The following LOC128462377 variants were observed in gnomAD, a reference collection of about 807,000 sequenced individuals.
At chr16:89,400,750 G>A in the LOC128462377 span, among the ~76,000 whole-genome samples, 1 of 72,856 alleles carries the variant, frequency 1.4e-5, no homozygotes, top group African/African-American at 7.4e-5. Context: ...CCTGCGCTGG[G>A]GGATGGTCAT....
chr16:89,364,301 G>A, the LOC128462377 span, among the ~76,000 whole-genome samples: 1 of 152,162 alleles, frequency 6.6e-6, no homozygotes, highest in Non-Finnish European at 1.5e-5. Context: ...TCCCAGGTAT[G>A]ACCAGCAGAA....
chr16:89,403,237 C>A, the LOC128462377 span, among the ~76,000 whole-genome samples: 1 of 152,206 alleles, frequency 6.6e-6, no homozygotes, highest in Non-Finnish European at 1.5e-5. Flanking sequence ...CGGGCACTGA[C>A]AGGAAGTATC....
chr16:89,389,068 G>A, the LOC128462377 span, among the ~76,000 whole-genome samples: 1 of 152,210 alleles, frequency 6.6e-6, no homozygotes, highest in African/African-American at 2.4e-5. Flanking sequence ...AAATAGGACA[G>A]CAATGGATTA....
At chr16:89,334,547 A>G in the LOC128462377 span, among the ~76,000 whole-genome samples, 1 of 152,090 alleles carries the variant, frequency 6.6e-6, no homozygotes, top group Non-Finnish European at 1.5e-5. Context: ...CCATGTGGGC[A>G]GTGGGCATGC....
chr16:89,351,085 G>C, the LOC128462377 span, among the ~76,000 whole-genome samples: 1 of 152,186 alleles, frequency 6.6e-6, no homozygotes, highest in Non-Finnish European at 1.5e-5. Flanking sequence ...GCATTCCAAA[G>C]TATTTAAACT....
chr16:89,385,675 G>A, the LOC128462377 span, among the ~76,000 whole-genome samples: 4 of 152,328 alleles, frequency 2.6e-5, no homozygotes, highest in South Asian at 2.1e-4. Context: ...TCAAAACTAC[G>A]AATTCACTTT....
At chr16:89,323,210 G>A in the LOC128462377 span, 1 of 893,342 alleles carries the variant, frequency 1.1e-6, no homozygotes, top group Non-Finnish European at 1.6e-6. Flanking sequence ...AGTCTCCAAC[G>A]GACTGAGCGG....
chr16:89,392,974 C>T, the LOC128462377 span, among the ~76,000 whole-genome samples: 1 of 151,856 alleles, frequency 6.6e-6, no homozygotes, highest in Non-Finnish European at 1.5e-5. Context: ...TCTGTTTCCC[C>T]AAAAATTCCT....
chr16:89,410,881 C>T, the LOC128462377 span, among the ~76,000 whole-genome samples: 1 of 152,138 alleles, frequency 6.6e-6, no homozygotes, highest in South Asian at 2.1e-4. Flanking sequence ...TGTGCGTGAA[C>T]ACGTGTTCTA....
At chr16:89,317,929 T>C in the LOC128462377 span, among the ~76,000 whole-genome samples, 1 of 152,254 alleles carries the variant, frequency 6.6e-6, no homozygotes. Flanking sequence ...AAGCCCTGCC[T>C]GAAACCAGCG....
At chr16:89,377,808 C>A in the LOC128462377 span, among the ~76,000 whole-genome samples, 1 of 152,070 alleles carries the variant, frequency 6.6e-6, no homozygotes, top group African/African-American at 2.4e-5. Flanking sequence ...CAAAGCACTT[C>A]GTAAGTTACA....
the LOC128462377 span, chr16:89,360,809 A>T: frequency 6.6e-6 from 1 of 152,278 alleles, no homozygotes; most frequent in Admixed American, 6.5e-5. Context: ...AGCCTCCAAG[A>T]AAGATCCAAG....
At chr16:89,379,400 G>A in the LOC128462377 span, among the ~76,000 whole-genome samples, 1 of 152,222 alleles carries the variant, frequency 6.6e-6, no homozygotes, top group African/African-American at 2.4e-5. Context: ...AGCTGACCAT[G>A]GGGAACAGGC....
At chr16:89,399,233 T>C in the LOC128462377 span, among the ~76,000 whole-genome samples, 10 of 152,170 alleles carry the variant, frequency 6.6e-5, no homozygotes, top group Admixed American at 6.5e-4. Context: ...TGGCTTTGTT[T>C]ATTCTTCATT....
the LOC128462377 span, among the ~76,000 whole-genome samples, chr16:89,415,095 G>A: frequency 5.9e-5 from 9 of 151,700 alleles, no homozygotes; most frequent in African/African-American, 1.9e-4. Flanking sequence ...GACCACAGGC[G>A]CATGCATGCC....
chr16:89,411,576 G>T, the LOC128462377 span, among the ~76,000 whole-genome samples: 1 of 152,044 alleles, frequency 6.6e-6, no homozygotes, highest in South Asian at 2.1e-4. Flanking sequence ...ACCACGCCTG[G>T]CTAATTTTTG....
At chr16:89,369,615 G>T in the LOC128462377 span, among the ~76,000 whole-genome samples, 1 of 151,788 alleles carries the variant, frequency 6.6e-6, no homozygotes, top group Non-Finnish European at 1.5e-5. Context: ...TGGAAAGGGA[G>T]GGGGTGCGGT....
chr16:89,386,761 T>C, the LOC128462377 span, among the ~76,000 whole-genome samples: 1 of 152,296 alleles, frequency 6.6e-6, no homozygotes, highest in East Asian at 1.9e-4. Flanking sequence ...CAATCCAAAA[T>C]AGCACTGTAG....
the LOC128462377 span, among the ~76,000 whole-genome samples, chr16:89,322,019 A>G: frequency 6.6e-6 from 1 of 152,212 alleles, no homozygotes; most frequent in Admixed American, 6.5e-5. Context: ...TAACAGTAAG[A>G]GCAGAACACA....
Sources: allele counts gnomAD v4.1 joint callset (sites outside exome capture counted in the v4.1 genomes callset), GRCh38; gene constraint gnomAD v4.1.1; transcripts MANE v1.5.